CXCR1: variants seen among roughly 807,000 people sequenced by gnomAD.
CXCR1 encodes C-X-C chemokine receptor type 1.
For synonymous variants in CXCR1, 180 were observed against 184.7 expected, an observed-to-expected ratio of 0.97 and a Z score of 0.21; for missense variants, 419 against 440.5, an observed-to-expected ratio of 0.95 and a Z score of 0.44.
chr2:218,164,145 T>C lies in CXCR1; in HGVS notation c.*14A>G, dbSNP rs1314299249. ...CTTTCCTTCTGAGAAGAGATATTCC[T>C]TCATCGATGGTTTTCAGAGGTTGGA... On this transcript the variant is annotated 3_prime_UTR_variant, in exon 2 of 2. Transcript: ENST00000295683. The C allele has an allele frequency of 1.2e-6, 2 of 1,613,348 alleles. No homozygotes were observed. Among genetic ancestry groups the C allele is most frequent in the Non-Finnish European group, 1.7e-6 (2 of 1,179,902 alleles).
rs113747232 is a variant in CXCR1 at position 218,164,959 on chromosome 2, C to T, written c.253G>A (p.Asp85Asn). ...DVYLLNLALA[D>N]LLFALTLPIW... Reference sequence around the variant, plus strand: ...GGCAAGGTCAGGGCAAAGAGTAGGTCGGCCAAGGCCAGGTTCAGCAGGTAG... The same window carrying T: ...GGCAAGGTCAGGGCAAAGAGTAGGTTGGCCAAGGCCAGGTTCAGCAGGTAG... Residue 85 changes from aspartate to asparagine, a missense_variant, in exon 2 of 2, where the codon GAC (aspartate) becomes AAC (asparagine). Transcript: ENST00000295683. The T allele has an allele frequency of 2.7e-5, 44 of 1,614,218 alleles. No individual in the cohort carries two copies. The highest frequency in any genetic ancestry group is 3.6e-5 in the Non-Finnish European group (42 of 1,180,052).
chr2:218,162,881 T>C lies in CXCR1; in HGVS notation c.*1278A>G, dbSNP rs1281887118. The C allele has an allele frequency of 6.6e-6, 1 of 152,310 alleles. No homozygotes were observed. Among genetic ancestry groups the C allele is most frequent in the Non-Finnish European group, 1.5e-5 (1 of 68,038 alleles). 9.4% of individuals were successfully genotyped at this position (152,310 alleles called of 1,614,324 possible). ...ATTATTTATTGAGCATTTAGTAGGC[T>C]CCAGGCACCAAGGACATACAGTGAA... is the stretch of plus-strand genomic sequence containing the variant. On this transcript the variant is annotated 3_prime_UTR_variant, in exon 2 of 2. Transcript: ENST00000295683.
Position 218,164,305 on chromosome 2 carries a change from T to A in CXCR1, c.907A>T (p.Ile303Phe). The A allele has an allele frequency of 6.2e-7, 1 of 1,611,900 alleles. No homozygotes were observed. The highest frequency in any genetic ancestry group is 1.7e-5 in the Admixed American group (1 of 59,976). The change falls in exon 2 of 2, where the codon ATC (isoleucine) becomes TTC (phenylalanine). Residue 303 changes from isoleucine to phenylalanine, a missense_variant. Coordinates refer to ENST00000295683, the MANE Select transcript of CXCR1 (RefSeq NM_000634.3). ...LGFLHSCLNP[I>F]IYAFIGQNFR... is the part of the protein sequence containing the mutation. Reference sequence around the variant, plus strand: ...TTTTGGCCGATGAAGGCGTAGATGATGGGGTTGAGGCAGCTATGGAGAAAT... The same window carrying A: ...TTTTGGCCGATGAAGGCGTAGATGAAGGGGTTGAGGCAGCTATGGAGAAAT...
rs749231087 is a variant in CXCR1, at chr2:218,165,080, G to T, written c.132C>A (p.Ile44=). The change falls in exon 2 of 2, where the codon ATC becomes ATA. Residue 44 remains isoleucine, a synonymous_variant. Transcript: ENST00000295683. The part of the protein sequence containing the change: ...TETLNKYVVI[I]AYALVFLLSL... ...TCAGCAGGAACACTAGGGCATAGGC[G>T]ATGATCACAACATACTTGTTGAGTG... 3.7e-6 allele frequency: 6 copies of T among 1,614,102 alleles called. No homozygotes were observed. Among genetic ancestry groups the T allele is most frequent in the Non-Finnish European group, 4.2e-6 (5 of 1,180,046 alleles).
At chr2:218,165,748 G>A (rs1418274783) in intron 1 of CXCR1, among the ~76,000 whole-genome samples, 1 of 152,178 alleles carries the variant, frequency 6.6e-6, no homozygotes, top group African/African-American at 2.4e-5. Flanking sequence ...GGAAGGAAGT[G>A]ATAACAACAC....
rs761511554 is a variant in CXCR1 at position 218,165,005 on chromosome 2, G to A, written c.207C>T (p.Val69=). The change falls in exon 2 of 2, where the codon GTC becomes GTT. Residue 69 remains valine, a synonymous_variant. Coordinates refer to ENST00000295683, the MANE Select transcript of CXCR1 (RefSeq NM_000634.3). ...GGTAGACATCAGTGACGGAGCGGCC[G>A]ACCCTGCTGTATAAGATGACCAGCA... ...LVMLVILYSR[V]GRSVTDVYLL... is the part of the protein sequence containing the mutation. The A allele has an allele frequency of 6.2e-6, 10 of 1,614,136 alleles. No homozygotes were observed. The highest frequency in any genetic ancestry group is 8.5e-6 in the Non-Finnish European group (10 of 1,180,054).
At position 218,164,934 on chromosome 2, in the gene CXCR1, G is replaced by T. The variant is rs931614779; in HGVS notation, c.278C>A (p.Pro93His). 1 of 1,614,234 alleles carries T rather than the reference G, an allele frequency of 6.2e-7. No homozygotes were observed. Among genetic ancestry groups the T allele is most frequent in the Non-Finnish European group, 8.5e-7 (1 of 1,180,050 alleles). The change falls in exon 2 of 2, where the codon CCC (proline) becomes CAC (histidine). Residue 93 changes from proline (P) to histidine (H), a missense_variant. By Grantham distance (77) the Pro-to-His change is moderately conservative. Transcript: ENST00000295683. Reference protein sequence around the residue: ...LADLLFALTLPIWAASKVNGW... With the variant: ...LADLLFALTLHIWAASKVNGW... ...ATTCACCTTGGAGGCGGCCCAGATG[G>T]GCAAGGTCAGGGCAAAGAGTAGGTC...
chr2:218,164,429 G>A lies in CXCR1; in HGVS notation c.783C>T (p.Val261=). ...FLLCWLPYNL[V]LLADTLMRTQ... ...TCCTCATGAGGGTGTCTGCCAGCAG[G>A]ACCAGGTTGTAGGGCAGCCAGCAAA... The change falls in exon 2 of 2, where the codon GTC becomes GTT. Residue 261 remains valine, a synonymous_variant. Transcript: ENST00000295683. 3 of 1,614,176 alleles carry A rather than the reference G, an allele frequency of 1.9e-6. No individual in the cohort carries two copies. Among genetic ancestry groups the A allele is most frequent in the Middle Eastern group, 1.6e-4 (1 of 6,062 alleles).
At position 218,164,669 on chromosome 2, in the gene CXCR1, G is replaced by A; in HGVS notation, c.543C>T (p.Asn181=). Residue 181 remains asparagine, a synonymous_variant, in exon 2 of 2, where the codon AAC becomes AAT. Transcript: ENST00000295683. ...CCTCATAGCAAACTGGACTGGAATT[G>A]TTTGGATGGTAAGCCTGGCGGAAAA... is the stretch of plus-strand genomic sequence containing the variant. The part of the protein sequence containing the change: ...FFLFRQAYHP[N]NSSPVCYEVL... 1 of 1,614,236 alleles carries A rather than the reference G, an allele frequency of 6.2e-7. No homozygotes were observed. The highest frequency in any genetic ancestry group is 8.5e-7 in the Non-Finnish European group (1 of 1,180,038).
rs761674190 is a variant in CXCR1, at chr2:218,164,150, C to G, written c.*9G>C. On this transcript the variant is annotated 3_prime_UTR_variant, in exon 2 of 2. Transcript: ENST00000295683. The stretch of plus-strand genomic sequence containing the variant: ...CTTCTGAGAAGAGATATTCCTTCAT[C>G]GATGGTTTTCAGAGGTTGGAAGAGA... 25 of 1,613,554 alleles carry G rather than the reference C, an allele frequency of 1.5e-5. No individual in the cohort carries two copies. In the East Asian group the frequency reaches 5.6e-4, roughly 36 times the overall value.
chr2:218,164,509 C>T lies in CXCR1; in HGVS notation c.703G>A (p.Gly235Arg). The change falls in exon 2 of 2, where the codon GGG becomes AGG. Residue 235 changes from glycine to arginine, a missense_variant. By Grantham distance (125) the Gly-to-Arg change is moderately radical. Transcript: ENST00000295683. The part of the protein sequence containing the change: ...TLRTLFKAHM[G>R]QKHRAMRVIF... ...ACCCTCATGGCTCGGTGCTTCTGCC[C>T]CATGTGGGCCTTAAACAGTGTACGC... 6.2e-7 allele frequency: 1 copy of T among 1,614,200 alleles called. No individual in the cohort carries two copies.
In CXCR1 at chr2:218,165,129, C is replaced by T; in HGVS notation, c.83G>A (p.Ser28Asn). ...TGTCTCAGTTTCTAGCATACAGGGGCTGTAATCTTCATCTGCAGGTGGCAT... is the reference window on the plus strand; with the variant it reads ...TGTCTCAGTTTCTAGCATACAGGGGTTGTAATCTTCATCTGCAGGTGGCAT... ...TGMPPADEDY[S>N]PCMLETETLN... is the part of the protein sequence containing the mutation. The change falls in exon 2 of 2, where the codon AGC (serine) becomes AAC (asparagine). Residue 28 changes from serine (S) to asparagine (N), a missense_variant. Coordinates refer to ENST00000295683, the MANE Select transcript of CXCR1 (RefSeq NM_000634.3). 6.2e-7 allele frequency: 1 copy of T among 1,614,192 alleles called. No homozygotes were observed. The highest frequency in any genetic ancestry group is 8.5e-7 in the Non-Finnish European group (1 of 1,180,024).
chr2:218,163,996 G>T lies in CXCR1; in HGVS notation c.*163C>A. 2.5e-6 allele frequency: 2 copies of T among 792,188 alleles called. No homozygotes were observed. Among genetic ancestry groups the T allele is most frequent in the South Asian group, 1.5e-5 (1 of 65,234 alleles). The allele number at this position is 792,188 out of a possible 1,614,324, so 49.1% of individuals were successfully genotyped here. A position where few individuals can be genotyped will look rare whatever the true frequency, so the allele number is the denominator to read the frequency against. ...TACCTCAACAGCTCCTCAGAAGGTTGGTGTGGCCCCTGAAGACACCAGTTC... is the reference window on the plus strand; with the variant it reads ...TACCTCAACAGCTCCTCAGAAGGTTTGTGTGGCCCCTGAAGACACCAGTTC... On this transcript the variant is annotated 3_prime_UTR_variant, in exon 2 of 2. Transcript: ENST00000295683.
At position 218,162,926 on chromosome 2, in the gene CXCR1, C is replaced by T. The variant is rs1691214437; in HGVS notation, c.*1233G>A. 6.6e-6 allele frequency: 1 copy of T among 152,402 alleles called. No individual in the cohort carries two copies. Among genetic ancestry groups the T allele is most frequent in the Admixed American group, 6.5e-5 (1 of 15,278 alleles). 9.4% of individuals were successfully genotyped at this position (152,402 alleles called of 1,614,324 possible). A position where few individuals can be genotyped will look rare whatever the true frequency, so the allele number is the denominator to read the frequency against. ...AGTGAATAAACCGACAGGGCCCTGT[C>T]TCCAAGGAGGGAAAACAGACTAGGA... On this transcript the variant is annotated 3_prime_UTR_variant, in exon 2 of 2. Coordinates refer to ENST00000295683, the MANE Select transcript of CXCR1 (RefSeq NM_000634.3).
At position 218,164,277 on chromosome 2, in the gene CXCR1, A is replaced by G. The variant is rs150578544; in HGVS notation, c.935T>C (p.Phe312Ser). 4 of 1,612,162 alleles carry G rather than the reference A, an allele frequency of 2.5e-6. No homozygotes were observed. In the African/African-American group the frequency reaches 5.3e-5, roughly 22 times the overall value. The change falls in exon 2 of 2, where the codon TTT becomes TCT. Residue 312 changes from phenylalanine to serine, a missense_variant. Phe to Ser is a radical substitution (Grantham distance 155, BLOSUM62 -2). Coordinates refer to ENST00000295683, the MANE Select transcript of CXCR1 (RefSeq NM_000634.3). ...CAGGATCTTGAGGAATCCATGGCGA[A>G]AATTTTGGCCGATGAAGGCGTAGAT... ...PIIYAFIGQN[F>S]RHGFLKILAM... is the part of the protein sequence containing the mutation.
rs16858811 is a variant in CXCR1, at chr2:218,165,120, A to C, written c.92T>G (p.Met31Arg). Residue 31 changes from methionine (M) to arginine (R), a missense_variant, in exon 2 of 2, where the codon ATG becomes AGG. Transcript: ENST00000295683. ...CTTGTTGAGTGTCTCAGTTTCTAGCATACAGGGGCTGTAATCTTCATCTGC... is the reference window on the plus strand; with the variant it reads ...CTTGTTGAGTGTCTCAGTTTCTAGCCTACAGGGGCTGTAATCTTCATCTGC... ...PPADEDYSPCMLETETLNKYV... is the reference protein window; with the variant it reads ...PPADEDYSPCRLETETLNKYV... The C allele has an allele frequency of 0.032, 52,090 of 1,614,194 alleles. 1,010 individuals are homozygous for C. The highest frequency in any genetic ancestry group is 0.056 in the African/African-American group (4,178 of 75,044).
In CXCR1 at chr2:218,164,376, C is replaced by G. The variant is rs56030518; in HGVS notation, c.836G>C (p.Arg279Pro). The G allele has an allele frequency of 4.3e-6, 7 of 1,613,494 alleles. No individual in the cohort carries two copies. The Admixed American group carries it at 5.0e-5, about 12-fold the overall frequency. ...RTQVIQESCE[R>P]RNNIGRALDA... ...CAGGGCCCGGCCGATGTTGTTGCGG[C>G]GCTCACAGCTCTCCTGGATCACCTG... The change falls in exon 2 of 2, where the codon CGC (arginine) becomes CCC (proline). Residue 279 changes from arginine (R) to proline (P), a missense_variant. Arg to Pro is a moderately radical substitution (Grantham distance 103). Coordinates refer to ENST00000295683, the MANE Select transcript of CXCR1 (RefSeq NM_000634.3).
chr2:218,163,818 GAC>G lies in CXCR1; in HGVS notation c.*339_*340del, dbSNP rs1359523425. On this transcript the variant is annotated 3_prime_UTR_variant, in exon 2 of 2. Coordinates refer to ENST00000295683, the MANE Select transcript of CXCR1 (RefSeq NM_000634.3). ...AACGAGAGCATCCAGCCCTCATGAG[GAC>G]ACAGCTTCAGCCCTGTTCTCTCATC... is the stretch of plus-strand genomic sequence containing the variant. The G allele has an allele frequency of 3.0e-6, 1 of 329,426 alleles. No individual in the cohort carries two copies. The highest frequency in any genetic ancestry group is 3.8e-5 in the Admixed American group (1 of 26,548). 20.4% of individuals were successfully genotyped at this position (329,426 alleles called of 1,614,324 possible).
At position 218,164,228 on chromosome 2, in the gene CXCR1, C is replaced by T. The variant is rs977233445; in HGVS notation, c.984G>A (p.Lys328=). 6.2e-7 allele frequency: 1 copy of T among 1,614,116 alleles called. No homozygotes were observed. Among genetic ancestry groups the T allele is most frequent in the Non-Finnish European group, 8.5e-7 (1 of 1,179,960 alleles). Residue 328 remains lysine, a synonymous_variant, in exon 2 of 2, where the codon AAG becomes AAA. Coordinates refer to ENST00000295683, the MANE Select transcript of CXCR1 (RefSeq NM_000634.3). ...KILAMHGLVS[K]EFLARHRVTS... ...TAACACGATGACGTGCCAAGAACTC[C>T]TTGCTGACCAGGCCATGCATAGCCA...
Sources: allele counts gnomAD v4.1 joint callset (sites outside exome capture counted in the v4.1 genomes callset), GRCh38; gene constraint gnomAD v4.1.1; transcripts MANE v1.5; gene names NCBI Gene and HGNC (gene_info 2026-07-23, HGNC 2026-07-21).